ATP7B: variants seen among roughly 807,000 people sequenced by gnomAD.
The protein encoded by ATP7B is ATPase copper transporting beta, also known as copper-transporting ATPase 2.
A neutral mutation model predicts 118.9 loss-of-function variants in ATP7B; 113 were observed. The observed-to-expected ratio is 0.95, with a 90% CI of 0.82 to 1.11. ATP7B has a LOEUF of 1.11. Among genes scored for constraint, ATP7B ranks in the 50% most tolerant of loss-of-function variants. The pLI is 0.00. For synonymous variants in ATP7B, 777 were observed against 727.4 expected (o/e 1.07, Z -1.10); for missense variants, 1,867 against 1,871.4 (o/e 1.00, Z 0.04).
intron 9 of ATP7B, 107 bp downstream of exon 9, chr13:51,957,409 C>T: frequency 8.7e-7 from 1 of 1,155,540 alleles, no homozygotes; most frequent in Non-Finnish European, 1.3e-6. Flanking sequence ...GTGTCTCTGC[C>T]CACACTCACA....
intron 1 of ATP7B, 200 bp from the exon 2 acceptor site, chr13:51,975,368 A>G (rs778846729): frequency 2.6e-6 from 2 of 781,886 alleles, no homozygotes; most frequent in Non-Finnish European, 4.5e-6. Flanking sequence ...CTTCTCTGAC[A>G]GAAGCTAACT....
At chr13:51,971,041 A>T (rs1238165621) in intron 2 of ATP7B, among the ~76,000 whole-genome samples, 1 of 152,126 alleles carries the variant, frequency 6.6e-6, no homozygotes, top group Non-Finnish European at 1.5e-5. Context: ...CCGTAACTTC[A>T]CCTTATCTTT....
At position 52,007,946 on chromosome 13, in the gene ATP7B, C is replaced by A. The variant is rs188323903; in HGVS notation, c.51+3341G>T. Among the ~76,000 whole-genome samples the A allele has an allele frequency of 4.8e-3, 729 of 152,190 alleles. 3 individuals carry two copies. Among genetic ancestry groups the A allele is most frequent in the Non-Finnish European group, 8.0e-3 (544 of 67,998 alleles). On this transcript the variant is annotated intron_variant, in intron 1 of 20. Coordinates refer to ENST00000242839, the MANE Select transcript of ATP7B (RefSeq NM_000053.4). ...GGAGCTTCCATATCCTTTCCAGGAACCACCTTCCCAGCACCTTGATGTGTT... is the reference window on the plus strand; with the variant it reads ...GGAGCTTCCATATCCTTTCCAGGAAACACCTTCCCAGCACCTTGATGTGTT...
intron 15 of ATP7B, among the ~76,000 whole-genome samples, chr13:51,941,598 C>T (rs1428953060): frequency 6.6e-6 from 1 of 152,226 alleles, no homozygotes; most frequent in African/African-American, 2.4e-5. Context: ...TTCATTACTG[C>T]TTGGTATCAA....
intron 1 of ATP7B, among the ~76,000 whole-genome samples, chr13:51,988,212 G>GA (rs769179180): frequency 1.7e-4 from 24 of 143,862 alleles, no homozygotes; most frequent in East Asian, 6.1e-4. Context: ...AAATTTACAA[G>GA]AAAAAAAAAA....
intron 1 of ATP7B, among the ~76,000 whole-genome samples, chr13:52,001,842 G>A (rs1953504817): frequency 6.6e-6 from 1 of 152,022 alleles, no homozygotes; most frequent in Non-Finnish European, 1.5e-5. Context: ...CCAAGCTGGA[G>A]TGCAGTGGCA....
chr13:51,962,815 G>A (rs1406335691), intron 5 of ATP7B, among the ~76,000 whole-genome samples: 2 of 152,106 alleles, frequency 1.3e-5, no homozygotes, highest in Non-Finnish European at 2.9e-5. Flanking sequence ...GGGTTGGCTG[G>A]GCACAGTGGC....
At position 51,937,638 on chromosome 13, in the gene ATP7B, G is replaced by T. The variant is rs767464491; in HGVS notation, c.3741C>A (p.His1247Gln). 7.4e-6 allele frequency: 12 copies of T among 1,614,140 alleles called. No homozygotes were observed. Among genetic ancestry groups the T allele is most frequent in the African/African-American group, 1.3e-5 (1 of 74,946 alleles). Residue 1247 changes from histidine to glutamine, a missense_variant, in exon 18 of 21, where the codon CAC becomes CAA. His to Gln is a conservative substitution (Grantham distance 24, BLOSUM62 0). Transcript: ENST00000242839. ...GGAGCTCCTGGACCTTGGCCACCTT[G>T]TGCGAAGGCAGCACCTCTGCAAAGA... Reference protein sequence around the residue: ...NKVFAEVLPSHKVAKVQELQN... With the variant: ...NKVFAEVLPSQKVAKVQELQN...
At chr13:52,010,895 AAC>A (rs1386254325) in intron 1 of ATP7B, among the ~76,000 whole-genome samples, 4 of 152,246 alleles carry the variant, frequency 2.6e-5, no homozygotes, top group South Asian at 2.1e-4. Flanking sequence ...ATGAATTTAA[AAC>A]AGTTATAAAA....
intron 1 of ATP7B, among the ~76,000 whole-genome samples, chr13:51,986,820 C>T (rs1387969462): frequency 1.3e-5 from 2 of 152,182 alleles, no homozygotes; most frequent in Non-Finnish European, 2.9e-5. Context: ...ACAAAAACCA[C>T]ATGATTATCT....
At chr13:51,947,865 T>C (rs997651977) in intron 12 of ATP7B, 2 of 152,126 alleles carry the variant, frequency 1.3e-5, no homozygotes, top group Admixed American at 6.6e-5. Flanking sequence ...TTTGCCAGCA[T>C]CCTCCCTGAT....
At chr13:51,986,796 A>C (rs1353666908) in intron 1 of ATP7B, among the ~76,000 whole-genome samples, 1 of 152,326 alleles carries the variant, frequency 6.6e-6, no homozygotes, top group Non-Finnish European at 1.5e-5. Context: ...TCCATCACAT[A>C]AACAGAACCA....
At chr13:51,935,530 A>C in intron 20 of ATP7B, 63 bp downstream of exon 20, 5 of 1,496,976 alleles carry the variant, frequency 3.3e-6, no homozygotes, top group Non-Finnish European at 4.6e-6. Context: ...CACTGTGCTA[A>C]GCATGCAGAA....
intron 1 of ATP7B, among the ~76,000 whole-genome samples, chr13:51,981,687 A>C (rs188698713): frequency 6.6e-6 from 1 of 152,312 alleles, no homozygotes; most frequent in Non-Finnish European, 1.5e-5. Context: ...TCAATGTCCC[A>C]TATTAACCTC....
At position 51,964,891 on chromosome 13, in the gene ATP7B, T is replaced by C. The variant is rs371038011; in HGVS notation, c.1850A>G (p.Asp617Gly). ...ACTTACCTCAATAATTTTGATAATA[T>C]CCCGTGGACCGATAATTTCCGGGTC... Reference protein sequence around the residue: ...KFDPEIIGPRDIIKIIEEIGF... With the variant: ...KFDPEIIGPRGIIKIIEEIGF... Residue 617 changes from aspartate (D) to glycine (G), a missense_variant, in exon 5 of 21, where the codon GAT becomes GGT. By Grantham distance (94) the Asp-to-Gly change is moderately conservative. Transcript: ENST00000242839. 3.1e-6 allele frequency: 5 copies of C among 1,614,198 alleles called. No individual in the cohort carries two copies. The highest frequency in any genetic ancestry group is 2.2e-5 in the East Asian group (1 of 44,890).
At position 51,961,831 on chromosome 13, in the gene ATP7B, A is replaced by G. The variant is rs751287778; in HGVS notation, c.1946+6T>C. On this transcript the variant is annotated splice_donor_region_variant and intron_variant, in intron 6 of 20. Transcript: ENST00000242839. ...AGCTGGAGTTTATCTTTTGTGTTCT[A>G]CCTACTGCTTTATTTCCATCTTGTG... 3.1e-6 allele frequency: 5 copies of G among 1,612,676 alleles called. No individual in the cohort carries two copies. Among genetic ancestry groups the G allele is most frequent in the Non-Finnish European group, 4.2e-6 (5 of 1,178,878 alleles).
chr13:51,963,595 G>A (rs1011540156), intron 5 of ATP7B, among the ~76,000 whole-genome samples: 7 of 152,044 alleles, frequency 4.6e-5, no homozygotes, highest in Non-Finnish European at 8.8e-5. Flanking sequence ...AATTAGCCAG[G>A]CATGGTGGCA....
In ATP7B at chr13:51,979,680, C is replaced by T. The variant is rs1467426459; in HGVS notation, c.52-4512G>A. ...TTCCTCATAATAAGAAAGACATAACCCTCAACCATCTAGTTTGTTGGAAAA... is the reference window on the plus strand; with the variant it reads ...TTCCTCATAATAAGAAAGACATAACTCTCAACCATCTAGTTTGTTGGAAAA... On this transcript the variant is annotated intron_variant, in intron 1 of 20. Coordinates refer to ENST00000242839, the MANE Select transcript of ATP7B (RefSeq NM_000053.4). 3.3e-5 allele frequency among the ~76,000 whole-genome samples: 5 copies of T among 151,996 alleles called. No homozygotes were observed. The South Asian group carries it at 8.3e-4, about 25-fold the overall frequency.
intron 1 of ATP7B, among the ~76,000 whole-genome samples, chr13:52,005,037 C>T (rs1566673926): frequency 1.3e-5 from 2 of 152,166 alleles, no homozygotes; most frequent in African/African-American, 2.4e-5. Flanking sequence ...AGCAGAGGCT[C>T]GAGGTGGCCC....
Sources: allele counts gnomAD v4.1 joint callset (sites outside exome capture counted in the v4.1 genomes callset), GRCh38; gene constraint gnomAD v4.1.1; transcripts MANE v1.5; gene names NCBI Gene and HGNC (gene_info 2026-07-23, HGNC 2026-07-21).